Variants in TMPRSS11D observed in about 807,000 individuals in gnomAD.
TMPRSS11D encodes transmembrane protease serine 11D.
Under a neutral mutation model 44.4 loss-of-function variants are expected in TMPRSS11D, and 32 were observed. The ratio of observed to expected loss-of-function variants is 0.72; its 90% CI spans 0.54 to 0.97. The LOEUF is 0.97. Among genes scored for constraint, TMPRSS11D ranks in the 50% least tolerant of loss-of-function variants. TMPRSS11D has a pLI of 0.00. For synonymous variants in TMPRSS11D, 179 were observed against 177.9 expected (o/e 1.01, Z -0.05); for missense variants, 446 against 502.6 (o/e 0.89, Z 1.08).
chr4:67,858,725 A>C (rs538064731), intron 2 of TMPRSS11D, among the ~76,000 whole-genome samples: 1 of 152,150 alleles, frequency 6.6e-6, no homozygotes, highest in South Asian at 2.1e-4. Context: ...ATAGAATTAT[A>C]TTTGAAATAA....
At chr4:67,842,172 A>G (rs1718247088) in intron 4 of TMPRSS11D, among the ~76,000 whole-genome samples, 1 of 152,176 alleles carries the variant, frequency 6.6e-6, no homozygotes, top group South Asian at 2.1e-4. Flanking sequence ...GATGTTGGTC[A>G]TAGTGTCTTG....
At chr4:67,859,723 T>C (rs1229305171) in intron 1 of TMPRSS11D, 45 bp from the exon 2 acceptor site, 3 of 1,607,244 alleles carry the variant, frequency 1.9e-6, no homozygotes, top group Admixed American at 3.4e-5. Flanking sequence ...TTTCACTGAT[T>C]TCATCCATCA....
intron 1 of TMPRSS11D, among the ~76,000 whole-genome samples, chr4:67,863,448 AT>A (rs1310796323): frequency 6.6e-6 from 1 of 151,930 alleles, no homozygotes; most frequent in African/African-American, 2.4e-5. Flanking sequence ...TCTGCAAGAC[AT>A]TTTTTCCAAT....
chr4:67,850,842 A>C (rs531494794), intron 3 of TMPRSS11D, among the ~76,000 whole-genome samples: 3 of 152,298 alleles, frequency 2.0e-5, no homozygotes, highest in African/African-American at 7.2e-5. Context: ...TTCAGCCTTA[A>C]ATAGCCCAAA....
intron 2 of TMPRSS11D, among the ~76,000 whole-genome samples, chr4:67,857,310 TATATATATATATACACACACAC>T (rs1384858298): frequency 0.15 from 401 of 2,650 alleles, 10 homozygotes; most frequent in East Asian, 0.36. Flanking sequence ...TATATATATA[TATATATATATATACACACACAC>T]ACACACACAC....
rs1324258798 is a variant in TMPRSS11D at position 67,852,181 on chromosome 4, T to C, written c.249+1887A>G. 3.9e-5 allele frequency among the ~76,000 whole-genome samples: 6 copies of C among 152,200 alleles called. No individual in the cohort carries two copies. In the East Asian group the frequency reaches 1.2e-3, roughly 29 times the overall value. ...CCTGCATGCAAGTCTCAGAGTCTGCTTCCCTGGGAAACTAACCTGTGATAC... is the reference window on the plus strand; with the variant it reads ...CCTGCATGCAAGTCTCAGAGTCTGCCTCCCTGGGAAACTAACCTGTGATAC... On this transcript the variant is annotated intron_variant, in intron 3 of 9. Transcript: ENST00000283916.
chr4:67,872,759 G>C (rs1719087460), intron 1 of TMPRSS11D, among the ~76,000 whole-genome samples: 1 of 152,096 alleles, frequency 6.6e-6, no homozygotes, highest in Non-Finnish European at 1.5e-5. Flanking sequence ...TTCAGTTCAG[G>C]TTTCAATGCT....
At chr4:67,875,566 C>T (rs916700844) in intron 1 of TMPRSS11D, among the ~76,000 whole-genome samples, 2 of 152,326 alleles carry the variant, frequency 1.3e-5, no homozygotes, top group Admixed American at 6.5e-5. Flanking sequence ...ATCCGCAACC[C>T]GTCCCTACAA....
chr4:67,844,509 C>A (rs1242548912), intron 3 of TMPRSS11D, among the ~76,000 whole-genome samples: 1 of 152,000 alleles, frequency 6.6e-6, no homozygotes, highest in Non-Finnish European at 1.5e-5. Context: ...CACAGTGGCT[C>A]ACACCTGTAA....
chr4:67,856,890 C>G (rs1319024616), intron 2 of TMPRSS11D, among the ~76,000 whole-genome samples: 1 of 152,132 alleles, frequency 6.6e-6, no homozygotes, highest in Non-Finnish European at 1.5e-5. Context: ...AAATGCTCAA[C>G]ATTGCTAATC....
chr4:67,865,520 AG>A (rs1241278172), intron 1 of TMPRSS11D, among the ~76,000 whole-genome samples: 1 of 151,852 alleles, frequency 6.6e-6, no homozygotes, highest in Non-Finnish European at 1.5e-5. Context: ...AAAATTACAA[AG>A]GATCAATGAA....
At chr4:67,883,200 T>C (rs1719363399) in intron 1 of TMPRSS11D, among the ~76,000 whole-genome samples, 1 of 152,054 alleles carries the variant, frequency 6.6e-6, no homozygotes, top group South Asian at 2.1e-4. Context: ...GTATCATGTT[T>C]TCCTGTAGTC....
At chr4:67,844,605 C>A (rs995195691) in intron 3 of TMPRSS11D, among the ~76,000 whole-genome samples, 2 of 151,790 alleles carry the variant, frequency 1.3e-5, no homozygotes, top group Admixed American at 1.3e-4. Context: ...GAAACCCTGT[C>A]TCTCCTAAAA....
chr4:67,882,009 A>T (rs1719330350), intron 1 of TMPRSS11D, among the ~76,000 whole-genome samples: 2 of 152,180 alleles, frequency 1.3e-5, no homozygotes, highest in African/African-American at 4.8e-5. Flanking sequence ...AACCTGAGAA[A>T]ATCTAGAGTG....
At chr4:67,879,994 A>G (rs568831976) in intron 1 of TMPRSS11D, among the ~76,000 whole-genome samples, 5 of 152,368 alleles carry the variant, frequency 3.3e-5, no homozygotes, top group South Asian at 2.1e-4. Context: ...TTTATTGTAT[A>G]TAACATATAT....
chr4:67,842,596 T>C lies in TMPRSS11D; in HGVS notation c.279A>G (p.Leu93=). ...LITKTFKESN[L]RNQFIRAHVA... Reference sequence around the variant, plus strand: ...CATGAGCTCTGATGAACTGATTTCTTAAATTTGATTCTTTGAATGTTTTAG... The same window carrying C: ...CATGAGCTCTGATGAACTGATTTCTCAAATTTGATTCTTTGAATGTTTTAG... Residue 93 remains leucine, a synonymous_variant, in exon 4 of 10, where the codon TTA becomes TTG. Transcript: ENST00000283916. The C allele has an allele frequency of 1.2e-6, 2 of 1,606,238 alleles. No homozygotes were observed. Among genetic ancestry groups the C allele is most frequent in the Non-Finnish European group, 8.5e-7 (1 of 1,178,174 alleles).
At chr4:67,852,359 C>A (rs1218540770) in intron 3 of TMPRSS11D, among the ~76,000 whole-genome samples, 1 of 152,088 alleles carries the variant, frequency 6.6e-6, no homozygotes, top group African/African-American at 2.4e-5. Flanking sequence ...CCAGGCTGCA[C>A]TGGCAGGCTT....
chr4:67,840,001 C>T (rs373472702), intron 4 of TMPRSS11D, among the ~76,000 whole-genome samples: 3 of 141,510 alleles, frequency 2.1e-5, no homozygotes, highest in East Asian at 4.3e-4. Flanking sequence ...AACAAATTAA[C>T]AACAACAAAG....
rs74486316 is a variant in TMPRSS11D, at chr4:67,880,991, A to G, written c.8+2935T>C. On this transcript the variant is annotated intron_variant, in intron 1 of 9. Coordinates refer to ENST00000283916, the MANE Select transcript of TMPRSS11D (RefSeq NM_004262.3). ...TACAACTATCTTAGGCAGTTATCCA[A>G]TTAATGACTTTAGATTTGGGATGGT... is the stretch of plus-strand genomic sequence containing the variant. Among the ~76,000 whole-genome samples the G allele has an allele frequency of 2.0e-5, 3 of 152,134 alleles. No individual in the cohort carries two copies. The East Asian group carries it at 5.8e-4, about 29-fold the overall frequency.
Sources: gnomAD v4.1 joint callset for allele counts (sites outside exome capture counted in the v4.1 genomes callset) on GRCh38, gnomAD v4.1.1 for gene constraint, MANE v1.5 for transcripts, NCBI Gene and HGNC (gene_info 2026-07-23, HGNC 2026-07-21) for gene names.